The following KIAA1958 variants were observed in gnomAD, a reference collection of about 807,000 sequenced individuals.
KIAA1958 encodes KIAA1958.
KIAA1958 carries 14 observed loss-of-function variants against 47.2 expected under a neutral mutation model. The observed-to-expected ratio is 0.30, with a 90% CI of 0.20 to 0.46. The LOEUF is 0.46. KIAA1958 is among the 20% of genes least tolerant of loss of function. The pLI is 1.00. For missense variants in KIAA1958, 803 were observed against 909.2 expected (o/e 0.88, Z 1.50); for synonymous variants, 354 against 353.3 (o/e 1.00, Z -0.02).
chr9:112,492,709 T>C (rs1426754076), intron 1 of KIAA1958, among the ~76,000 whole-genome samples: 3 of 152,218 alleles, frequency 2.0e-5, no homozygotes, highest in Non-Finnish European at 4.4e-5. Context: ...TCATATTCAT[T>C]GTTTTTAAAT....
intron 1 of KIAA1958, among the ~76,000 whole-genome samples, chr9:112,506,781 A>G (rs1834242698): frequency 6.6e-6 from 1 of 151,812 alleles, no homozygotes; most frequent in Admixed American, 6.6e-5. Context: ...TAGCTTTATT[A>G]GAAAGTTTTT....
At chr9:112,614,161 A>G (rs535891858) in intron 2 of KIAA1958, among the ~76,000 whole-genome samples, 28 of 152,302 alleles carry the variant, frequency 1.8e-4, no homozygotes, top group African/African-American at 6.0e-4. Context: ...CAGACACAAA[A>G]GAGTTTACGT....
chr9:112,578,940 G>A (rs1835693583), intron 2 of KIAA1958, among the ~76,000 whole-genome samples: 1 of 151,760 alleles, frequency 6.6e-6, no homozygotes, highest in Admixed American at 6.6e-5. Flanking sequence ...TTTGTGTAAG[G>A]ATCCCTTTTA....
chr9:112,647,940 T>C (rs755412087), intron 3 of KIAA1958, among the ~76,000 whole-genome samples: 6 of 152,222 alleles, frequency 3.9e-5, no homozygotes, highest in Admixed American at 6.5e-5. Context: ...TTTCATCGTT[T>C]ATTGAGAAAA....
At position 112,665,641 on chromosome 9, in the gene KIAA1958, C is replaced by T. The variant is rs1837343462; in HGVS notation, c.*5572C>T. Reference sequence around the variant, plus strand: ...CTCAAGCCATACTGTGTCACCCCTCCATGTATTCTCTTACTAAATGATTGC... The same window carrying T: ...CTCAAGCCATACTGTGTCACCCCTCTATGTATTCTCTTACTAAATGATTGC... On this transcript the variant is annotated 3_prime_UTR_variant, in exon 4 of 4. Coordinates refer to ENST00000337530, the MANE Select transcript of KIAA1958 (RefSeq NM_133465.4). 1 of 152,194 alleles carries T rather than the reference C, an allele frequency of 6.6e-6. No homozygotes were observed. Among genetic ancestry groups the T allele is most frequent in the African/African-American group, 2.4e-5 (1 of 41,450 alleles). 9.4% of individuals were successfully genotyped at this position (152,194 alleles called of 1,614,324 possible).
chr9:112,535,535 G>A (rs1834839788), intron 1 of KIAA1958, among the ~76,000 whole-genome samples: 1 of 152,048 alleles, frequency 6.6e-6, no homozygotes. Flanking sequence ...GGATAATGCT[G>A]CAGTGAACAT....
At chr9:112,591,556 T>C (rs1268277922) in intron 2 of KIAA1958, among the ~76,000 whole-genome samples, 1 of 152,164 alleles carries the variant, frequency 6.6e-6, no homozygotes, top group East Asian at 1.9e-4. Context: ...GGATTTTTTT[T>C]TAAGGAATGT....
chr9:112,627,832 T>C (rs1263207872), intron 2 of KIAA1958, among the ~76,000 whole-genome samples: 1 of 152,250 alleles, frequency 6.6e-6, no homozygotes, highest in African/African-American at 2.4e-5. Flanking sequence ...TTCCCACTTG[T>C]TAACTTTTAC....
chr9:112,640,810 C>T (rs1306095572), intron 2 of KIAA1958, among the ~76,000 whole-genome samples: 1 of 152,178 alleles, frequency 6.6e-6, no homozygotes, highest in East Asian at 1.9e-4. Flanking sequence ...GCGACTTCAT[C>T]ATAGTCCTAA....
Position 112,645,881 on chromosome 9 carries a change from G to A in KIAA1958, c.1344+59G>A. 5 of 1,507,996 alleles carry A rather than the reference G, an allele frequency of 3.3e-6. No individual in the cohort carries two copies. In the South Asian group the frequency reaches 4.9e-5, roughly 15 times the overall value. 93.4% of individuals were successfully genotyped at this position (1,507,996 alleles called of 1,614,324 possible). On this transcript the variant is annotated intron_variant, in intron 3 of 3. Coordinates refer to ENST00000337530, the MANE Select transcript of KIAA1958 (RefSeq NM_133465.4). Reference sequence around the variant, plus strand: ...ACTTCACTGAGCTTCCAAATGCCAGGCACTGTGCTAAGCATTGTAGGGAAC... The same window carrying A: ...ACTTCACTGAGCTTCCAAATGCCAGACACTGTGCTAAGCATTGTAGGGAAC...
At chr9:112,603,213 A>AT (rs553816806) in intron 2 of KIAA1958, among the ~76,000 whole-genome samples, 451 of 151,678 alleles carry the variant, frequency 3.0e-3, no homozygotes, top group African/African-American at 3.2e-3. Flanking sequence ...GTGTTGATTT[A>AT]TTTTTTTTTA....
intron 2 of KIAA1958, among the ~76,000 whole-genome samples, chr9:112,634,338 C>T (rs1836763666): frequency 6.6e-6 from 1 of 152,138 alleles, no homozygotes. Context: ...AAGCGATTCT[C>T]CTGCCTCAGC....
chr9:112,565,661 A>G (rs1027300128), intron 1 of KIAA1958, among the ~76,000 whole-genome samples: 1 of 152,244 alleles, frequency 6.6e-6, no homozygotes. Context: ...GAAACTTACA[A>G]TATATTGAAG....
intron 2 of KIAA1958, among the ~76,000 whole-genome samples, chr9:112,601,252 A>G (rs900145337): frequency 3.3e-5 from 5 of 152,242 alleles, no homozygotes; most frequent in Non-Finnish European, 5.9e-5. Flanking sequence ...GTCTAATAAT[A>G]GGACCAGTCA....
At chr9:112,610,032 CAATG>C (rs990198745) in intron 2 of KIAA1958, among the ~76,000 whole-genome samples, 52 of 152,002 alleles carry the variant, frequency 3.4e-4, no homozygotes, top group African/African-American at 8.4e-4. Flanking sequence ...TTTCAGAACA[CAATG>C]AAGCAAAATT....
At chr9:112,626,769 C>T (rs557443487) in intron 2 of KIAA1958, among the ~76,000 whole-genome samples, 1 of 150,452 alleles carries the variant, frequency 6.6e-6, no homozygotes, top group Non-Finnish European at 1.5e-5. Flanking sequence ...ATTGTTACAA[C>T]TTTTTAAACA....
At chr9:112,597,900 C>T (rs867182937) in intron 2 of KIAA1958, among the ~76,000 whole-genome samples, 1 of 152,236 alleles carries the variant, frequency 6.6e-6, no homozygotes, top group South Asian at 2.1e-4. Flanking sequence ...CAAATATTAA[C>T]TAATGAGTGC....
intron 2 of KIAA1958, among the ~76,000 whole-genome samples, chr9:112,637,052 C>T (rs1836816007): frequency 6.6e-6 from 1 of 152,098 alleles, no homozygotes; most frequent in African/African-American, 2.4e-5. Context: ...TTATTAAGAT[C>T]TACTTTAATT....
At chr9:112,613,734 A>G (rs544301119) in intron 2 of KIAA1958, among the ~76,000 whole-genome samples, 171 of 152,330 alleles carry the variant, frequency 1.1e-3, no homozygotes, top group African/African-American at 3.8e-3. Context: ...GAGTACCACT[A>G]CATGCCCAGA....
Sources: gnomAD v4.1 joint callset for allele counts (sites outside exome capture counted in the v4.1 genomes callset) on GRCh38, gnomAD v4.1.1 for gene constraint, MANE v1.5 for transcripts, NCBI Gene and HGNC (gene_info 2026-07-23, HGNC 2026-07-21) for gene names.